Variants in SP140 observed in about 807,000 individuals in gnomAD.
The protein encoded by SP140 is nuclear body protein SP140.
Under a neutral mutation model 125.0 loss-of-function variants are expected in SP140, and 81 were observed. That is an observed-to-expected ratio of 0.65 (90% CI 0.54 to 0.78). The LOEUF (loss-of-function observed/expected upper bound fraction) is 0.78. SP140 is among the 30% of genes least tolerant of loss of function. The pLI, the probability that SP140 is intolerant of heterozygous loss-of-function variation, is 0.00. For missense variants in SP140, 858 were observed against 1,037.0 expected, an observed-to-expected ratio of 0.83 and a Z score of 2.37; for synonymous variants, 312 against 354.0, an observed-to-expected ratio of 0.88 and a Z score of 1.33.
chr2:230,199,501 G>A (rs1985603), upstream of SP140, among the ~76,000 whole-genome samples: 22,888 of 151,912 alleles, frequency 0.15, 2,126 homozygotes, highest in South Asian at 0.27. Flanking sequence ...GAGCCACTGT[G>A]CTGGGCCAGC....
chr2:230,287,799 A>C, intron 17 of SP140, 93 bp from the exon 18 acceptor site: 1 of 1,101,582 alleles, frequency 9.1e-7, no homozygotes, highest in Non-Finnish European at 1.3e-6. Flanking sequence ...AGGCTTTTGG[A>C]AAGTTACATT....
At chr2:230,305,577 T>C (rs1051267155) in intron 22 of SP140, among the ~76,000 whole-genome samples, 4 of 152,224 alleles carry the variant, frequency 2.6e-5, no homozygotes, top group East Asian at 1.9e-4. Context: ...CAGCTGCCCG[T>C]AGGGCGTGGT....
At chr2:230,251,136 TTG>T in intron 10 of SP140, 75 bp downstream of exon 10, 1 of 1,230,624 alleles carries the variant, frequency 8.1e-7, no homozygotes, top group Non-Finnish European at 1.2e-6. Flanking sequence ...TGTTTCCTGA[TTG>T]TCTTTCCTCC....
intron 10 of SP140, 86 bp from the exon 11 acceptor site, chr2:230,253,230 A>T (rs2050643564): frequency 1.1e-6 from 1 of 922,314 alleles, no homozygotes; most frequent in Non-Finnish European, 1.8e-6. Context: ...GCGGAACAAG[A>T]CAGGGGTGGC....
chr2:230,256,096 A>T (rs1489478058), intron 12 of SP140, among the ~76,000 whole-genome samples: 1 of 152,210 alleles, frequency 6.6e-6, no homozygotes, highest in South Asian at 2.1e-4. Flanking sequence ...TAGTTCAACC[A>T]TTGTGGAAGT....
chr2:230,310,322 G>A, intron 23 of SP140: 3 of 496,788 alleles, frequency 6.0e-6, no homozygotes, highest in Non-Finnish European at 1.1e-5. Flanking sequence ...TTGCAGCTGG[G>A]TGGGTTGGAG....
chr2:230,274,578 T>C (rs2054428131), intron 15 of SP140, among the ~76,000 whole-genome samples: 1 of 152,172 alleles, frequency 6.6e-6, no homozygotes, highest in South Asian at 2.1e-4. Context: ...GTTAGGTGCA[T>C]GTCAGATTTC....
At chr2:230,295,744 G>A (rs1043377220) in intron 21 of SP140, among the ~76,000 whole-genome samples, 1 of 152,050 alleles carries the variant, frequency 6.6e-6, no homozygotes, top group Non-Finnish European at 1.5e-5. Flanking sequence ...TCATGACAAG[G>A]GCCACATAGA....
chr2:230,215,520 G>A (rs1416649328), intron 3 of SP140, among the ~76,000 whole-genome samples: 2 of 152,198 alleles, frequency 1.3e-5, no homozygotes. Context: ...AATTCTGCTG[G>A]TTGCTTGTGA....
At chr2:230,264,724 T>C (rs1409702038) in intron 12 of SP140, among the ~76,000 whole-genome samples, 1 of 152,224 alleles carries the variant, frequency 6.6e-6, no homozygotes, top group African/African-American at 2.4e-5. Flanking sequence ...TGAGCCAAAC[T>C]GCAGTAATTG....
At chr2:230,248,152 G>C in intron 8 of SP140, 87 bp downstream of exon 8, 1 of 1,306,104 alleles carries the variant, frequency 7.7e-7, no homozygotes, top group Admixed American at 1.9e-5. Flanking sequence ...CAAGGTTTCT[G>C]ACAGTCTCTA....
At chr2:230,234,951 C>T (rs1157392213) in intron 1 of SP140, 1 of 152,310 alleles carries the variant, frequency 6.6e-6, no homozygotes, top group East Asian at 1.9e-4. Context: ...TCCACAAATG[C>T]TGTGGTCTGT....
intron 17 of SP140, among the ~76,000 whole-genome samples, chr2:230,287,533 G>C (rs1199540550): frequency 6.6e-6 from 1 of 152,052 alleles, no homozygotes; most frequent in Non-Finnish European, 1.5e-5. Flanking sequence ...TAATGGATAT[G>C]TAAGTGTTTA....
At chr2:230,226,068 T>C (rs1311898537) in intron 1 of SP140, among the ~76,000 whole-genome samples, 165 bp downstream of exon 1, 2 of 152,208 alleles carry the variant, frequency 1.3e-5, no homozygotes, top group African/African-American at 4.8e-5. Flanking sequence ...GGATTGGCTG[T>C]TGGAGAAACT....
chr2:230,241,593 C>G (rs1282260206), intron 4 of SP140, 106 bp downstream of exon 4: 1 of 695,092 alleles, frequency 1.4e-6, no homozygotes, highest in Admixed American at 2.2e-5. Context: ...CTGTTATCTC[C>G]CAGTCCTCCT....
At chr2:230,265,582 C>T (rs1018703415) in intron 12 of SP140, among the ~76,000 whole-genome samples, 1 of 152,168 alleles carries the variant, frequency 6.6e-6, no homozygotes, top group African/African-American at 2.4e-5. Flanking sequence ...GCAGGAATGG[C>T]CTTCTAGGGG....
At chr2:230,240,924 A>G (rs541829023) in intron 3 of SP140, among the ~76,000 whole-genome samples, 89 of 152,352 alleles carry the variant, frequency 5.8e-4, no homozygotes, top group African/African-American at 2.1e-3. Flanking sequence ...AACGGAGGGT[A>G]GATAAACTAT....
rs1328886366 is a variant in SP140 at position 230,310,896 on chromosome 2, G to A, written c.2283+45G>A. 5.1e-5 allele frequency: 46 copies of A among 898,914 alleles called. No individual in the cohort carries two copies. The South Asian group carries it at 5.5e-4, about 11-fold the overall frequency. The allele number at this position is 898,914 out of a possible 1,614,324, so 55.7% of individuals were successfully genotyped here. A position where few individuals can be genotyped will look rare whatever the true frequency, so the allele number is the denominator to read the frequency against. On this transcript the variant is annotated intron_variant, in intron 24 of 26. Coordinates refer to ENST00000392045, the MANE Select transcript of SP140 (RefSeq NM_007237.5). ...CAAGCCTTCTCCTTTCCCCTCACAC[G>A]TGAGAACCATGAACAAGCGCAAGGG...
chr2:230,315,272 G>A (rs1374435241), downstream of SP140, among the ~76,000 whole-genome samples: 2 of 152,276 alleles, frequency 1.3e-5, no homozygotes, highest in Admixed American at 6.5e-5. Flanking sequence ...CCTTGTAAAT[G>A]TGCACATCAC....
Sources: gnomAD v4.1 joint callset for allele counts (sites outside exome capture counted in the v4.1 genomes callset) on GRCh38, gnomAD v4.1.1 for gene constraint, MANE v1.5 for transcripts, NCBI Gene and HGNC (gene_info 2026-07-23, HGNC 2026-07-21) for gene names.